Variants in ETS1 observed in about 807,000 individuals in gnomAD.
ETS1 encodes the protein protein C-ets-1.
In ETS1, 15 loss-of-function variants were observed where a neutral mutation model predicts 58.6. The ratio of observed to expected loss-of-function variants is 0.26; its 90% confidence interval spans 0.17 to 0.39. The LOEUF is 0.39. ETS1 is among the 10% of genes least tolerant of loss of function. The pLI is 1.00. For synonymous variants in ETS1, 214 were observed against 218.2 expected (o/e 0.98, Z 0.17); for missense variants, 417 against 610.5 (o/e 0.68, Z 3.34).
chr11:128,515,192 T>A (rs1863489218), intron 3 of ETS1, among the ~76,000 whole-genome samples: 1 of 152,162 alleles, frequency 6.6e-6, no homozygotes, highest in African/African-American at 2.4e-5. Context: ...AAATTGCAAT[T>A]GTCTTCACTT....
intron 7 of ETS1, among the ~76,000 whole-genome samples, chr11:128,483,576 T>C (rs1158114818): frequency 3.3e-5 from 5 of 152,206 alleles, no homozygotes; most frequent in African/African-American, 1.2e-4. Flanking sequence ...ACCCATCCCC[T>C]TCGGTCTGAA....
At chr11:128,560,789 A>G (rs1305584300) in intron 2 of ETS1, among the ~76,000 whole-genome samples, 1 of 152,212 alleles carries the variant, frequency 6.6e-6, no homozygotes, top group Non-Finnish European at 1.5e-5. Context: ...TGGCCTTAGG[A>G]GCGTACAGAC....
chr11:128,459,706 G>A lies in ETS1; in HGVS notation c.*2655C>T, dbSNP rs566139845. 2 of 152,916 alleles carry A rather than the reference G, an allele frequency of 1.3e-5. No homozygotes were observed. Among genetic ancestry groups the A allele is most frequent in the South Asian group, 2.1e-4 (1 of 4,830 alleles). The allele number at this position is 152,916 out of a possible 1,614,324, so 9.5% of individuals were successfully genotyped here. A position where few individuals can be genotyped will look rare whatever the true frequency, so the allele number is the denominator to read the frequency against. On this transcript the variant is annotated 3_prime_UTR_variant, in exon 10 of 10. Transcript: ENST00000392668. ...TGGTCTCTGGCCTTTGGACAAAGGA[G>A]AAAAAACATCTGGCCAGATCGACAA...
At chr11:128,499,848 G>C (rs1863040202) in intron 3 of ETS1, among the ~76,000 whole-genome samples, 1 of 152,058 alleles carries the variant, frequency 6.6e-6, no homozygotes, top group Admixed American at 6.5e-5. Flanking sequence ...AGAAGGCCAG[G>C]CTGGGCAAGG....
chr11:128,462,611 G>A, intron 9 of ETS1, 35 bp from the exon 10 acceptor site: 1 of 1,569,670 alleles, frequency 6.4e-7, no homozygotes, highest in Non-Finnish European at 8.8e-7. Context: ...GGAGGAGTAG[G>A]CAAAAATCTA....
chr11:128,478,699 T>C (rs1206799043), intron 8 of ETS1, among the ~76,000 whole-genome samples: 1 of 152,178 alleles, frequency 6.6e-6, no homozygotes, highest in Non-Finnish European at 1.5e-5. Flanking sequence ...ATCACTATAT[T>C]CAACTGCAGT....
At chr11:128,498,158 T>C (rs1390185229) in intron 3 of ETS1, among the ~76,000 whole-genome samples, 1 of 152,192 alleles carries the variant, frequency 6.6e-6, no homozygotes, top group Non-Finnish European at 1.5e-5. Context: ...AAGTGGACTA[T>C]GTGTGACAAT....
intron 8 of ETS1, among the ~76,000 whole-genome samples, chr11:128,472,709 G>A (rs994054203): frequency 6.6e-6 from 1 of 152,154 alleles, no homozygotes; most frequent in African/African-American, 2.4e-5. Flanking sequence ...TCCAGCAGAC[G>A]ACCTTGACCC....
chr11:128,500,934 C>A (rs1483126011), intron 3 of ETS1, among the ~76,000 whole-genome samples: 1 of 152,206 alleles, frequency 6.6e-6, no homozygotes, highest in Non-Finnish European at 1.5e-5. Flanking sequence ...TTGAGCTACA[C>A]AATTTCACTT....
intron 3 of ETS1, among the ~76,000 whole-genome samples, chr11:128,518,809 T>C (rs373337454): frequency 3.9e-5 from 6 of 152,348 alleles, no homozygotes; most frequent in Admixed American, 6.5e-5. Context: ...GTATAACGCA[T>C]GTTCCCGATG....
In ETS1 at chr11:128,547,173, T is replaced by C. The variant is rs139706687; in HGVS notation, c.214+9118A>G. On this transcript the variant is annotated intron_variant, in intron 3 of 9. Transcript: ENST00000392668. ...AAGGGATTTATAGGAAGGAAGTTTA[T>C]ACCAGAGAATTCATCCCAGTTCAAC... 3.9e-3 allele frequency among the ~76,000 whole-genome samples: 591 copies of C among 152,316 alleles called. 4 individuals are homozygous for C. Among genetic ancestry groups the C allele is most frequent in the African/African-American group, 0.01 (416 of 41,574 alleles).
chr11:128,481,181 TA>T, intron 7 of ETS1, among the ~76,000 whole-genome samples: 1 of 152,280 alleles, frequency 6.6e-6, no homozygotes, highest in East Asian at 1.9e-4. Flanking sequence ...TAAAATTATG[TA>T]CTTGAAATTT....
At chr11:128,580,135 G>A (rs1206600416) in intron 1 of ETS1, among the ~76,000 whole-genome samples, 4 of 147,444 alleles carry the variant, frequency 2.7e-5, no homozygotes, top group East Asian at 2.0e-4. Flanking sequence ...ATCCTTGTGC[G>A]TCCTGAGCTT....
intron 8 of ETS1, among the ~76,000 whole-genome samples, chr11:128,474,883 C>A (rs1370328942): frequency 6.6e-6 from 1 of 152,226 alleles, no homozygotes; most frequent in African/African-American, 2.4e-5. Flanking sequence ...TCAGGTACTG[C>A]CCAAGGATGG....
chr11:128,494,379 C>T (rs1862882384), intron 3 of ETS1, among the ~76,000 whole-genome samples: 1 of 152,204 alleles, frequency 6.6e-6, no homozygotes, highest in Non-Finnish European at 1.5e-5. Context: ...GACAGTTGTG[C>T]AGAAGCTGGT....
At chr11:128,540,733 A>G (rs1475883021) in intron 3 of ETS1, among the ~76,000 whole-genome samples, 1 of 152,218 alleles carries the variant, frequency 6.6e-6, no homozygotes, top group Non-Finnish European at 1.5e-5. Flanking sequence ...CTGGCTTTAT[A>G]AACAGCAAGG....
At chr11:128,475,226 A>C (rs779642283) in intron 8 of ETS1, among the ~76,000 whole-genome samples, 2 of 152,244 alleles carry the variant, frequency 1.3e-5, no homozygotes, top group Non-Finnish European at 2.9e-5. Flanking sequence ...GAATACATTG[A>C]GATTATTTTG....
intron 1 of ETS1, among the ~76,000 whole-genome samples, chr11:128,578,076 G>C (rs1864789374): frequency 6.6e-6 from 1 of 152,090 alleles, no homozygotes; most frequent in Admixed American, 6.5e-5. Context: ...TAAAACTATG[G>C]TTCTGCTTGA....
intron 3 of ETS1, among the ~76,000 whole-genome samples, chr11:128,534,989 T>C (rs1482785712): frequency 1.3e-5 from 2 of 152,248 alleles, no homozygotes; most frequent in Non-Finnish European, 2.9e-5. Flanking sequence ...TCTTGATCTT[T>C]GAGGAATTGC....
Sources: gnomAD v4.1 joint callset for allele counts (sites outside exome capture counted in the v4.1 genomes callset) on GRCh38, gnomAD v4.1.1 for gene constraint, MANE v1.5 for transcripts, NCBI Gene and HGNC (gene_info 2026-07-23, HGNC 2026-07-21) for gene names.